Variants in ATF2 observed in about 807,000 individuals in gnomAD.
ATF2 encodes the protein activating transcription factor 2.
A neutral mutation model predicts 60.6 loss-of-function variants in ATF2; 24 were observed. That is an observed-to-expected ratio of 0.40 (90% CI 0.29 to 0.56). ATF2 has a LOEUF of 0.56. Ranked by LOEUF, ATF2 falls within the 20% of genes least tolerant of loss-of-function variation. The probability of loss-of-function intolerance (pLI) is 0.54; values close to 1 mark genes in which losing one functional copy is unlikely to be tolerated. For synonymous variants in ATF2, 206 were observed against 215.4 expected (o/e 0.96, Z 0.38); for missense variants, 433 against 607.7 (o/e 0.71, Z 3.02).
chr2:175,103,153 A>G (rs947284545), intron 10 of ATF2, among the ~76,000 whole-genome samples: 3 of 152,214 alleles, frequency 2.0e-5, no homozygotes, highest in African/African-American at 7.2e-5. Context: ...ACTCCATCAC[A>G]GTTCAAAGAA....
chr2:175,119,081 C>T lies in ATF2; in HGVS notation c.200-712G>A, dbSNP rs1038956204. Among the ~76,000 whole-genome samples the T allele has an allele frequency of 2.6e-5, 4 of 151,648 alleles. No homozygotes were observed. The East Asian group carries it at 7.7e-4, about 29-fold the overall frequency. On this transcript the variant is annotated intron_variant, in intron 5 of 13. Transcript: ENST00000264110. ...CAACATGAAACATTTCAACTTTACT[C>T]GAATATGTACTCCTACTATGTACAT...
chr2:175,093,919 T>C (rs904003556), intron 11 of ATF2, among the ~76,000 whole-genome samples: 1 of 152,222 alleles, frequency 6.6e-6, no homozygotes, highest in Non-Finnish European at 1.5e-5. Context: ...TTAATTTTCA[T>C]TTTAATTGTT....
At chr2:175,146,611 A>T (rs896044980) in intron 2 of ATF2, among the ~76,000 whole-genome samples, 2 of 151,604 alleles carry the variant, frequency 1.3e-5, no homozygotes, top group African/African-American at 4.9e-5. Context: ...AGTTACCCAC[A>T]GTCAACAGCT....
chr2:175,079,867 G>A (rs1265641675), intron 13 of ATF2, among the ~76,000 whole-genome samples: 1 of 152,086 alleles, frequency 6.6e-6, no homozygotes, highest in African/African-American at 2.4e-5. Flanking sequence ...GACTAAAACT[G>A]TGGGTTATAT....
chr2:175,136,015 GTTTTTTT>G (rs34199956), intron 3 of ATF2, among the ~76,000 whole-genome samples: 12 of 124,938 alleles, frequency 9.6e-5, no homozygotes, highest in East Asian at 4.8e-4. Context: ...TTCTTTCTTT[GTTTTTTT>G]TTTTTTTTTT....
chr2:175,157,940 C>T (rs1014659290), intron 1 of ATF2, among the ~76,000 whole-genome samples: 39 of 151,716 alleles, frequency 2.6e-4, no homozygotes, highest in Middle Eastern at 3.4e-3. Flanking sequence ...TGCAGTGAGC[C>T]GAGATCGCGC....
chr2:175,118,542 G>A (rs539987403), intron 5 of ATF2, among the ~76,000 whole-genome samples, 173 bp from the exon 6 acceptor site: 3 of 151,682 alleles, frequency 2.0e-5, no homozygotes, highest in African/African-American at 2.4e-5. Flanking sequence ...GTTGTACTTC[G>A]TATTTCCTCC....
chr2:175,102,046 G>C (rs1695349134), intron 10 of ATF2, among the ~76,000 whole-genome samples: 1 of 152,000 alleles, frequency 6.6e-6, no homozygotes, highest in South Asian at 2.1e-4. Context: ...TTTGTTAGGA[G>C]CATTTGAAGA....
At chr2:175,134,974 A>G (rs1698033851) in intron 3 of ATF2, among the ~76,000 whole-genome samples, 1 of 148,582 alleles carries the variant, frequency 6.7e-6, no homozygotes, top group Non-Finnish European at 1.5e-5. Flanking sequence ...ACTGCAATCC[A>G]GCCTGGGTGA....
intron 10 of ATF2, among the ~76,000 whole-genome samples, chr2:175,103,836 C>T (rs555360928): frequency 2.0e-5 from 3 of 152,128 alleles, no homozygotes; most frequent in South Asian, 4.2e-4. Flanking sequence ...ATATGATTTA[C>T]GGGCTTAACG....
Position 175,107,441 on chromosome 2 carries a change from A to C in ATF2, c.828+4127T>G, listed in dbSNP as rs139759559. On this transcript the variant is annotated intron_variant, in intron 10 of 13. Transcript: ENST00000264110. ...GCTGTTTAGTCAATAAAATGAAAAT[A>C]TATGGCCATGAAAGTTACATAAGAA... 3.8e-3 allele frequency among the ~76,000 whole-genome samples: 574 copies of C among 152,310 alleles called. 8 individuals are homozygous for C. Among genetic ancestry groups the C allele is most frequent in the Admixed American group, 0.033 (506 of 15,306 alleles).
chr2:175,167,757 C>T (rs1301277814), intron 1 of ATF2: 3 of 471,268 alleles, frequency 6.4e-6, no homozygotes, highest in African/African-American at 2.0e-5. Context: ...AGCCGTTATT[C>T]CTTTTTCCTC....
chr2:175,151,106 AT>A lies in ATF2; in HGVS notation c.-91del, dbSNP rs1465581085. 6.6e-6 allele frequency: 1 copy of A among 152,530 alleles called. No homozygotes were observed. Among genetic ancestry groups the A allele is most frequent in the Non-Finnish European group, 1.5e-5 (1 of 67,990 alleles). The allele number at this position is 152,530 out of a possible 1,614,324, so 9.4% of individuals were successfully genotyped here. The stretch of plus-strand genomic sequence containing the variant: ...AGCTTTATTTACTCTGCTTCCAGGA[AT>A]ACCTTAGCTGTTATCAATAAGCAGT... On this transcript the variant is annotated 5_prime_UTR_variant, in exon 2 of 14. Transcript: ENST00000264110.
intron 3 of ATF2, among the ~76,000 whole-genome samples, chr2:175,130,702 T>C (rs186442168): frequency 6.6e-6 from 1 of 152,260 alleles, no homozygotes; most frequent in East Asian, 1.9e-4. Context: ...TTCTTAAATT[T>C]ACACCTTTTC....
chr2:175,112,627 C>T (rs1696277630), intron 9 of ATF2, among the ~76,000 whole-genome samples: 1 of 152,076 alleles, frequency 6.6e-6, no homozygotes, highest in African/African-American at 2.4e-5. Context: ...CTTTGTTGCC[C>T]AGCCTGGAAT....
At chr2:175,111,975 A>G (rs1214845211) in intron 9 of ATF2, among the ~76,000 whole-genome samples, 1 of 152,226 alleles carries the variant, frequency 6.6e-6, no homozygotes, top group African/African-American at 2.4e-5. Flanking sequence ...CATTTTGAAT[A>G]TGAAAGGAAG....
intron 13 of ATF2, among the ~76,000 whole-genome samples, chr2:175,079,791 G>C (rs1020978255): frequency 1.3e-5 from 2 of 152,122 alleles, no homozygotes; most frequent in Non-Finnish European, 2.9e-5. Context: ...TTAAAATGAA[G>C]TGGATACATA....
At chr2:175,092,584 T>C in intron 12 of ATF2, 1 of 453,502 alleles carries the variant, frequency 2.2e-6, no homozygotes, top group Non-Finnish European at 4.5e-6. Flanking sequence ...TCCAAAGCTG[T>C]CAATCTGGCA....
At chr2:175,130,027 TA>T in intron 4 of ATF2, 110 bp downstream of exon 4, 1 of 887,500 alleles carries the variant, frequency 1.1e-6, no homozygotes, top group African/African-American at 1.8e-5. Flanking sequence ...ATCCTAACTC[TA>T]AAATTTTACA....
Sources: allele counts gnomAD v4.1 joint callset (sites outside exome capture counted in the v4.1 genomes callset), GRCh38; gene constraint gnomAD v4.1.1; transcripts MANE v1.5; gene names NCBI Gene and HGNC (gene_info 2026-07-23, HGNC 2026-07-21).